Variants in EYS observed in about 807,000 individuals in gnomAD.
EYS encodes EGF-like photoreceptor maintenance factor.
In EYS, 250 loss-of-function variants were observed where a neutral mutation model predicts 282.1. That is an observed-to-expected ratio of 0.89 (90% CI 0.80 to 0.98). EYS has a LOEUF of 0.98. Among genes scored for constraint, EYS ranks in the 50% least tolerant of loss-of-function variants. EYS has a pLI of 0.00. For synonymous variants in EYS, 1,355 were observed against 1,282.9 expected, an observed-to-expected ratio of 1.06 and a Z score of -1.20; for missense variants, 4,016 against 3,709.0, an observed-to-expected ratio of 1.08 and a Z score of -2.15.
At chr6:63,734,634 AAAG>A (rs1391494921) in intron 41 of EYS, among the ~76,000 whole-genome samples, 1 of 152,116 alleles carries the variant, frequency 6.6e-6, no homozygotes. Flanking sequence ...TGTGGGTAAG[AAAG>A]AAGGAGAGGA....
chr6:64,719,539 T>C (rs1360459189), intron 22 of EYS, among the ~76,000 whole-genome samples: 1 of 152,188 alleles, frequency 6.6e-6, no homozygotes, highest in Non-Finnish European at 1.5e-5. Context: ...GAAAAATTCC[T>C]GAGAGAGAAA....
intron 18 of EYS, among the ~76,000 whole-genome samples, chr6:64,901,454 G>A (rs891029454): frequency 6.6e-6 from 1 of 151,404 alleles, no homozygotes; most frequent in Non-Finnish European, 1.5e-5. Flanking sequence ...AGCCTAAAAT[G>A]GAACATTCTG....
At chr6:64,971,881 C>T (rs1055771731) in intron 14 of EYS, among the ~76,000 whole-genome samples, 1 of 151,926 alleles carries the variant, frequency 6.6e-6, no homozygotes, top group Non-Finnish European at 1.5e-5. Flanking sequence ...GTAATGAAAG[C>T]CATCAAGCAT....
At chr6:65,583,298 A>T (rs1264072007) in intron 2 of EYS, among the ~76,000 whole-genome samples, 1 of 152,060 alleles carries the variant, frequency 6.6e-6, no homozygotes, top group Admixed American at 6.6e-5. Context: ...TTTTATAGAG[A>T]ATATTAAATA....
At chr6:65,601,121 G>A (rs1394086016) in intron 2 of EYS, among the ~76,000 whole-genome samples, 2 of 151,754 alleles carry the variant, frequency 1.3e-5, no homozygotes, top group Non-Finnish European at 2.9e-5. Context: ...TTAAAATTAG[G>A]TAGCTTACAT....
At chr6:64,913,709 G>A (rs374729057) in intron 15 of EYS, among the ~76,000 whole-genome samples, 63 of 152,230 alleles carry the variant, frequency 4.1e-4, no homozygotes, top group African/African-American at 1.4e-3. Context: ...ATAGCACTAT[G>A]ATAAACATAT....
intron 2 of EYS, among the ~76,000 whole-genome samples, chr6:65,605,890 C>T (rs1765770904): frequency 6.6e-6 from 1 of 151,576 alleles, no homozygotes; most frequent in African/African-American, 2.4e-5. Flanking sequence ...ATAAAATTTG[C>T]TATCTCTGGA....
chr6:64,547,503 T>G (rs1764917445), intron 26 of EYS, among the ~76,000 whole-genome samples: 1 of 152,188 alleles, frequency 6.6e-6, no homozygotes, highest in African/African-American at 2.4e-5. Context: ...GAGTGTCGAT[T>G]GGTGCATTCA....
At chr6:64,184,823 T>A (rs577716778) in intron 31 of EYS, among the ~76,000 whole-genome samples, 2 of 152,318 alleles carry the variant, frequency 1.3e-5, no homozygotes, top group Admixed American at 1.3e-4. Context: ...AATATAAGAT[T>A]TATGTCCATC....
chr6:64,388,897 A>G, intron 28 of EYS, 57 bp from the exon 29 acceptor site: 1 of 1,093,652 alleles, frequency 9.1e-7, no homozygotes, highest in Non-Finnish European at 1.2e-6. Context: ...CATTTATCTG[A>G]CAAATTAATT....
chr6:65,262,014 A>G (rs1049019158), intron 12 of EYS, among the ~76,000 whole-genome samples: 5 of 152,072 alleles, frequency 3.3e-5, no homozygotes, highest in Admixed American at 6.6e-5. Context: ...TCCTTAGAAT[A>G]TAATTCTTAT....
intron 31 of EYS, among the ~76,000 whole-genome samples, chr6:64,119,894 C>T (rs1773518602): frequency 6.6e-6 from 1 of 152,158 alleles, no homozygotes; most frequent in African/African-American, 2.4e-5. Context: ...CTTAAAAAAT[C>T]AGTTCTTTTT....
intron 26 of EYS, among the ~76,000 whole-genome samples, chr6:64,545,308 C>A (rs1199989254): frequency 6.6e-6 from 1 of 152,050 alleles, no homozygotes; most frequent in Non-Finnish European, 1.5e-5. Flanking sequence ...AGGCCTTTGA[C>A]AAAATTCAAC....
intron 11 of EYS, chr6:65,331,167 A>C (rs1769783845): frequency 1.1e-6 from 1 of 869,656 alleles, no homozygotes; most frequent in Admixed American, 6.3e-5. Context: ...ATAACATGAT[A>C]ATTAGTTTCT....
rs184855005 is a variant in EYS at position 65,067,374 on chromosome 6, A to T, written c.2024-9647T>A. On this transcript the variant is annotated intron_variant, in intron 12 of 42. Coordinates refer to ENST00000503581, the MANE Select transcript of EYS (RefSeq NM_001142800.2). ...CACAAACAGTAAAGGATAAAAAAAAATAATGAAATCTAAGATGCCACAGAT... is the reference window on the plus strand; with the variant it reads ...CACAAACAGTAAAGGATAAAAAAAATTAATGAAATCTAAGATGCCACAGAT... Among the ~76,000 whole-genome samples, 945 of 152,258 alleles carry T rather than the reference A, an allele frequency of 6.2e-3. 10 individuals are homozygous for T. Among genetic ancestry groups the T allele is most frequent in the African/African-American group, 0.022 (896 of 41,566 alleles).
At chr6:64,040,496 A>G (rs1770339435) in intron 33 of EYS, among the ~76,000 whole-genome samples, 1 of 152,150 alleles carries the variant, frequency 6.6e-6, no homozygotes, top group South Asian at 2.1e-4. Context: ...ATTTTGTATT[A>G]TTTGGAACAT....
intron 22 of EYS, among the ~76,000 whole-genome samples, chr6:64,709,157 G>C (rs1562147826): frequency 6.6e-6 from 1 of 152,126 alleles, no homozygotes; most frequent in Non-Finnish European, 1.5e-5. Context: ...ATCTTTGAGT[G>C]TTAGAATTTT....
At chr6:64,553,934 G>T (rs1465480945) in intron 26 of EYS, among the ~76,000 whole-genome samples, 1 of 151,908 alleles carries the variant, frequency 6.6e-6, no homozygotes, top group Non-Finnish European at 1.5e-5. Context: ...TTAAGCCAGT[G>T]CTTGTGTTAC....
chr6:65,643,031 T>G (rs1767331421), intron 1 of EYS, among the ~76,000 whole-genome samples: 1 of 152,202 alleles, frequency 6.6e-6, no homozygotes, highest in Non-Finnish European at 1.5e-5. Context: ...GAGAGAATTA[T>G]CTGACCCTTT....
Sources: gnomAD v4.1 joint callset for allele counts (sites outside exome capture counted in the v4.1 genomes callset) on GRCh38, gnomAD v4.1.1 for gene constraint, MANE v1.5 for transcripts, NCBI Gene and HGNC (gene_info 2026-07-23, HGNC 2026-07-21) for gene names.